Variants in TSPEAR observed in about 807,000 individuals in gnomAD.
TSPEAR encodes thrombospondin type laminin G domain and EAR repeats, also known as thrombospondin-type laminin G domain and EAR repeat-containing protein.
A neutral mutation model predicts 71.6 loss-of-function variants in TSPEAR; 69 were observed. The ratio of observed to expected loss-of-function variants is 0.96; its 90% CI spans 0.79 to 1.18. The LOEUF (loss-of-function observed/expected upper bound fraction) is 1.18, where lower values mean the gene tolerates loss of function less well. Ranked by LOEUF, TSPEAR falls within the 50% of genes most tolerant of loss-of-function variation. The pLI, the probability that TSPEAR is intolerant of heterozygous loss-of-function variation, is 0.00. For missense variants in TSPEAR, 971 were observed against 894.9 expected (o/e 1.09, Z -1.09); for synonymous variants, 402 against 387.2 (o/e 1.04, Z -0.45).
Position 44,661,017 on chromosome 21 carries a change from C to T in TSPEAR, c.82+50416G>A, listed in dbSNP as rs139048127. On this transcript the variant is annotated intron_variant, in intron 1 of 11. Transcript: ENST00000323084. ...AGAAGATAAATATAAATAGGCCGGG[C>T]GCGGTGGCTCACGCCTGTAATCCCA... Among the ~76,000 whole-genome samples, 19 of 150,874 alleles carry T rather than the reference C, an allele frequency of 1.3e-4. No homozygotes were observed. In the East Asian group the frequency reaches 3.0e-3, roughly 24 times the overall value.
At chr21:44,628,830 C>T (rs1983074887) in intron 1 of TSPEAR, among the ~76,000 whole-genome samples, 1 of 152,178 alleles carries the variant, frequency 6.6e-6, no homozygotes, top group Admixed American at 6.5e-5. Flanking sequence ...CTCCTGTGGA[C>T]ACTCACAGAC....
At chr21:44,551,819 A>G (rs2053446024) in intron 2 of TSPEAR, among the ~76,000 whole-genome samples, 1 of 152,076 alleles carries the variant, frequency 6.6e-6, no homozygotes, top group Non-Finnish European at 1.5e-5. Context: ...AGGTCCCGTG[A>G]CTGTGCCCAG....
At chr21:44,558,694 C>CGGACATGGT in intron 2 of TSPEAR, 1 of 1,609,276 alleles carries the variant, frequency 6.2e-7, no homozygotes, top group Non-Finnish European at 8.5e-7. Flanking sequence ...CTGGAGCAGA[C>CGGACATGGT]GGACATGGTA....
At chr21:44,533,224 T>G (rs587737041) in intron 3 of TSPEAR, among the ~76,000 whole-genome samples, 1 of 152,300 alleles carries the variant, frequency 6.6e-6, no homozygotes, top group East Asian at 1.9e-4. Context: ...CCATTCCCCT[T>G]CCAGCCCGAA....
At position 44,551,324 on chromosome 21, in the gene TSPEAR, C is replaced by T. The variant is rs782717977; in HGVS notation, c.303+16461G>A. 10 of 1,613,182 alleles carry T rather than the reference C, an allele frequency of 6.2e-6. No individual in the cohort carries two copies. The Admixed American group carries it at 1.5e-4, about 24-fold the overall frequency. On this transcript the variant is annotated intron_variant, in intron 2 of 11. Coordinates refer to ENST00000323084, the MANE Select transcript of TSPEAR (RefSeq NM_144991.3). ...ACACACAGCTCACTGGGGTGCAGAC[C>T]AGGGTCAGGCAGGGGGCTGGGGCAC...
intron 1 of TSPEAR, chr21:44,579,417 A>C: frequency 2.4e-6 from 1 of 413,088 alleles, no homozygotes; most frequent in Non-Finnish European, 4.4e-6. Flanking sequence ...TCTGAGCTCA[A>C]AACCATGTAT....
intron 1 of TSPEAR, chr21:44,698,077 C>A: frequency 1.8e-6 from 2 of 1,084,292 alleles, no homozygotes; most frequent in Non-Finnish European, 2.6e-6. Context: ...GATGCGTGCA[C>A]AGCCTCTCTT....
At chr21:44,690,664 G>A (rs1482258000) in intron 1 of TSPEAR, 11 of 859,506 alleles carry the variant, frequency 1.3e-5, no homozygotes, top group Non-Finnish European at 1.5e-5. Flanking sequence ...CAGTAAACAT[G>A]ACAGCAAATT....
chr21:44,643,303 G>T (rs587679604), intron 1 of TSPEAR, among the ~76,000 whole-genome samples: 2 of 152,306 alleles, frequency 1.3e-5, no homozygotes, highest in Admixed American at 1.3e-4. Flanking sequence ...CTTCAGCTGT[G>T]CAGGATGAGT....
intron 11 of TSPEAR, among the ~76,000 whole-genome samples, chr21:44,500,959 A>G (rs2052018337): frequency 6.6e-6 from 1 of 152,202 alleles, no homozygotes; most frequent in African/African-American, 2.4e-5. Flanking sequence ...TGTCTTCTTC[A>G]TAGAACCCTG....
intron 1 of TSPEAR, chr21:44,591,279 G>A: frequency 2.0e-6 from 3 of 1,478,928 alleles, no homozygotes; most frequent in Non-Finnish European, 2.7e-6. Flanking sequence ...AAGACAAAGA[G>A]CCTGCCCCAT....
chr21:44,629,134 C>T (rs1983098056), intron 1 of TSPEAR, among the ~76,000 whole-genome samples: 1 of 152,202 alleles, frequency 6.6e-6, no homozygotes, highest in African/African-American at 2.4e-5. Context: ...ACCCCCCACA[C>T]TGGTGACCCG....
chr21:44,682,238 T>C, intron 1 of TSPEAR: 1 of 1,205,594 alleles, frequency 8.3e-7, no homozygotes. Flanking sequence ...AGCACACACC[T>C]GTTGTCTTCC....
At chr21:44,669,499 C>T (rs1555945493) in intron 1 of TSPEAR, among the ~76,000 whole-genome samples, 1 of 152,210 alleles carries the variant, frequency 6.6e-6, no homozygotes. Context: ...GCCTCCTCCA[C>T]CCCTCAGCAT....
At chr21:44,519,773 C>T (rs1319589646) in intron 9 of TSPEAR, 1 of 152,292 alleles carries the variant, frequency 6.6e-6, no homozygotes, top group Non-Finnish European at 1.5e-5. Context: ...AGCCCTCCAC[C>T]GTTCTGAGCC....
At chr21:44,588,427 G>A (rs1202546074) in intron 1 of TSPEAR, among the ~76,000 whole-genome samples, 1 of 152,042 alleles carries the variant, frequency 6.6e-6, no homozygotes, top group African/African-American at 2.4e-5. Context: ...CACTCCTGGT[G>A]GGAATGTAAA....
intron 1 of TSPEAR, chr21:44,697,143 A>C (rs1987382245): frequency 3.8e-6 from 6 of 1,586,704 alleles, no homozygotes; most frequent in Non-Finnish European, 4.3e-6. Flanking sequence ...CAGCACCCAG[A>C]CACTCACTGT....
intron 1 of TSPEAR, among the ~76,000 whole-genome samples, chr21:44,683,719 T>A (rs982170638): frequency 2.7e-5 from 4 of 150,216 alleles, no homozygotes; most frequent in African/African-American, 7.5e-5. Context: ...TAATTCACTG[T>A]TAAAAAAAAT....
At chr21:44,569,623 A>C (rs1305959640) in intron 1 of TSPEAR, among the ~76,000 whole-genome samples, 1 of 152,202 alleles carries the variant, frequency 6.6e-6, no homozygotes, top group Non-Finnish European at 1.5e-5. Flanking sequence ...GCTTTAGGAC[A>C]GGAGAATGTA....
Sources: allele counts gnomAD v4.1 joint callset (sites outside exome capture counted in the v4.1 genomes callset), GRCh38; gene constraint gnomAD v4.1.1; transcripts MANE v1.5; gene names NCBI Gene and HGNC (gene_info 2026-07-23, HGNC 2026-07-21).